Variants in STAG1 observed in about 807,000 individuals in gnomAD.
STAG1 encodes cohesin subunit SA-1.
In STAG1, 26 loss-of-function variants were observed where a neutral mutation model predicts 170.9. The ratio of observed to expected loss-of-function variants is 0.15; its 90% confidence interval spans 0.11 to 0.21. The LOEUF (loss-of-function observed/expected upper bound fraction) is 0.21. Among genes scored for constraint, STAG1 ranks in the 10% least tolerant of loss-of-function variants. The pLI is 1.00. For missense variants in STAG1, 964 were observed against 1,509.5 expected (o/e 0.64, Z 5.99); for synonymous variants, 514 against 497.7 (o/e 1.03, Z -0.44).
At chr3:136,403,224 T>TAAAA (rs55678408) in intron 21 of STAG1, among the ~76,000 whole-genome samples, 1,137 of 33,440 alleles carry the variant, frequency 0.034, 1 homozygote, top group Non-Finnish European at 0.039. Flanking sequence ...GAGACTGTCT[T>TAAAA]AAAAAAAAAA....
intron 3 of STAG1, among the ~76,000 whole-genome samples, chr3:136,622,730 T>C (rs373955568): frequency 4.6e-5 from 7 of 152,138 alleles, no homozygotes; most frequent in East Asian, 1.9e-4. Flanking sequence ...TCTCTCAAAG[T>C]AGGATTATCT....
At chr3:136,388,276 T>C (rs1474464284) in intron 22 of STAG1, among the ~76,000 whole-genome samples, 1 of 152,164 alleles carries the variant, frequency 6.6e-6, no homozygotes, top group East Asian at 1.9e-4. Context: ...TGGTAAGAAG[T>C]GGAGTAAAAA....
chr3:136,651,376 T>TAA (rs57372663), intron 1 of STAG1, among the ~76,000 whole-genome samples: 19,740 of 121,808 alleles, frequency 0.16, 1,828 homozygotes, highest in Non-Finnish European at 0.24. Flanking sequence ...ACCAAAAATT[T>TAA]AAAAAAAAAA....
chr3:136,379,057 T>C (rs1646560772), intron 22 of STAG1, among the ~76,000 whole-genome samples: 1 of 152,168 alleles, frequency 6.6e-6, no homozygotes, highest in African/African-American at 2.4e-5. Flanking sequence ...ATGAGTATAG[T>C]ATGTGGAAGA....
chr3:136,492,791 A>C lies in STAG1; in HGVS notation c.902+7432T>G, dbSNP rs1244181759. 2.6e-5 allele frequency among the ~76,000 whole-genome samples: 4 copies of C among 152,248 alleles called. No homozygotes were observed. In the East Asian group the frequency reaches 7.7e-4, roughly 29 times the overall value. Reference sequence around the variant, plus strand: ...GAAGAATGTCAAAAATGTTAACAAGAAAGTAAATTAGAAGACAGTAAGTGT... The same window carrying C: ...GAAGAATGTCAAAAATGTTAACAAGCAAGTAAATTAGAAGACAGTAAGTGT... On this transcript the variant is annotated intron_variant, in intron 9 of 33. Transcript: ENST00000383202.
chr3:136,699,713 G>A (rs1447537315), intron 1 of STAG1, among the ~76,000 whole-genome samples: 1 of 151,842 alleles, frequency 6.6e-6, no homozygotes, highest in Non-Finnish European at 1.5e-5. Flanking sequence ...TTCGAAGTGG[G>A]AGCTAAGCTA....
chr3:136,400,599 T>G (rs1255355513), intron 21 of STAG1, among the ~76,000 whole-genome samples: 1 of 151,432 alleles, frequency 6.6e-6, no homozygotes, highest in Non-Finnish European at 1.5e-5. Flanking sequence ...GCAATGGCAC[T>G]GTCTCGGCTC....
intron 4 of STAG1, among the ~76,000 whole-genome samples, chr3:136,577,180 T>G (rs1937496482): frequency 6.6e-6 from 1 of 152,192 alleles, no homozygotes; most frequent in Admixed American, 6.5e-5. Context: ...TAAGTACACC[T>G]GAGTATTCAC....
chr3:136,654,953 T>C (rs555885922), intron 1 of STAG1, among the ~76,000 whole-genome samples: 18 of 152,296 alleles, frequency 1.2e-4, no homozygotes, highest in South Asian at 6.2e-4. Flanking sequence ...ACATGCAAAT[T>C]TGGACCCTTA....
chr3:136,513,227 T>C (rs1934166017), intron 7 of STAG1, among the ~76,000 whole-genome samples: 1 of 151,950 alleles, frequency 6.6e-6, no homozygotes, highest in Non-Finnish European at 1.5e-5. Flanking sequence ...TGGTGGCACA[T>C]GCCTGTAATC....
chr3:136,487,227 G>T (rs1346109179), intron 9 of STAG1, among the ~76,000 whole-genome samples: 4 of 152,014 alleles, frequency 2.6e-5, no homozygotes, highest in Non-Finnish European at 5.9e-5. Flanking sequence ...AAAATATACG[G>T]TGTTTGGTTT....
chr3:136,509,049 A>G (rs973755270), intron 7 of STAG1, among the ~76,000 whole-genome samples: 1 of 152,250 alleles, frequency 6.6e-6, no homozygotes, highest in African/African-American at 2.4e-5. Context: ...TTTTGAAGTA[A>G]TGAGAGTGAG....
chr3:136,450,747 T>C (rs1332272152), intron 14 of STAG1, among the ~76,000 whole-genome samples: 1 of 152,200 alleles, frequency 6.6e-6, no homozygotes, highest in Non-Finnish European at 1.5e-5. Context: ...TTTGCTTATT[T>C]ATTTTAATTT....
chr3:136,617,150 A>G (rs1939639262), intron 3 of STAG1, among the ~76,000 whole-genome samples: 2 of 152,222 alleles, frequency 1.3e-5, no homozygotes, highest in Non-Finnish European at 2.9e-5. Context: ...TAAATGCTCA[A>G]CATGGCACCA....
intron 1 of STAG1, among the ~76,000 whole-genome samples, chr3:136,726,430 A>G (rs555524702): frequency 6.6e-5 from 10 of 152,122 alleles, no homozygotes; most frequent in Non-Finnish European, 1.3e-4. Flanking sequence ...AGCTAGAAGA[A>G]TATGTTTTGT....
intron 1 of STAG1, among the ~76,000 whole-genome samples, chr3:136,723,066 C>A (rs1933397060): frequency 1.3e-5 from 2 of 152,374 alleles, no homozygotes; most frequent in Admixed American, 6.5e-5. Flanking sequence ...CAGCCGCCTG[C>A]CTTGGCCTCC....
intron 24 of STAG1, among the ~76,000 whole-genome samples, chr3:136,368,440 G>A (rs1937162830): frequency 6.6e-6 from 1 of 152,114 alleles, no homozygotes; most frequent in South Asian, 2.1e-4. Flanking sequence ...GTTAGGTTTT[G>A]TTCATTTAAG....
Position 136,422,836 on chromosome 3 carries a change from C to T in STAG1, c.1765G>A (p.Val589Ile). The T allele has an allele frequency of 6.2e-7, 1 of 1,610,126 alleles. No homozygotes were observed. Among genetic ancestry groups the T allele is most frequent in the Non-Finnish European group, 8.5e-7 (1 of 1,179,064 alleles). ...TGTGGGATTTGTAGCAAGTTTGCTACCTTCTCTGCATCTGCAGAATACTAG... is the reference window on the plus strand; with the variant it reads ...TGTGGGATTTGTAGCAAGTTTGCTATCTTCTCTGCATCTGCAGAATACTAG... ...LSKYSADAEKVANLLQIPQYF... is the reference protein window; with the variant it reads ...LSKYSADAEKIANLLQIPQYF... The change falls in exon 18 of 34, where the codon GTA becomes ATA. Residue 589 changes from valine (V) to isoleucine (I), a missense_variant. Physicochemically the swap from Val to Ile is conservative, Grantham distance 29. Around this residue, in one of 11 missense-constraint regions of STAG1, gnomAD observed 232 missense variants for 313.0 expected, o/e 0.74. Coordinates refer to ENST00000383202, the MANE Select transcript of STAG1 (RefSeq NM_005862.3).
chr3:136,612,455 A>C (rs1939347127), intron 3 of STAG1, among the ~76,000 whole-genome samples: 1 of 152,192 alleles, frequency 6.6e-6, no homozygotes, highest in Admixed American at 6.5e-5. Flanking sequence ...AAAAATAAAA[A>C]AATTTATCAA....
Sources: gnomAD v4.1 joint callset for allele counts (sites outside exome capture counted in the v4.1 genomes callset) on GRCh38, gnomAD v4.1.1 for gene constraint, gnomAD v4.1.1 regional missense constraint, MANE v1.5 for transcripts, NCBI Gene and HGNC (gene_info 2026-07-23, HGNC 2026-07-21) for gene names.